Variants in PLEKHA3 observed in about 807,000 individuals in gnomAD.
PLEKHA3 encodes pleckstrin homology domain-containing family A member 3.
Under a neutral mutation model 39.2 loss-of-function variants are expected in PLEKHA3, and 19 were observed. The observed-to-expected ratio is 0.48, with a 90% confidence interval of 0.34 to 0.71. The LOEUF (loss-of-function observed/expected upper bound fraction) is 0.71, where lower values mean the gene tolerates loss of function less well. Among genes scored for constraint, PLEKHA3 ranks in the 30% least tolerant of loss-of-function variants. The probability of loss-of-function intolerance (pLI) is 0.01; values close to 1 mark genes in which losing one functional copy is unlikely to be tolerated. For missense variants in PLEKHA3, 253 were observed against 359.5 expected (o/e 0.70, Z 2.40); for synonymous variants, 97 against 118.6 (o/e 0.82, Z 1.18).
At chr2:178,488,641 T>C (rs1253651426) in intron 2 of PLEKHA3, among the ~76,000 whole-genome samples, 1 of 152,250 alleles carries the variant, frequency 6.6e-6, no homozygotes, top group Non-Finnish European at 1.5e-5. Context: ...TTTATTCTCT[T>C]TGTATCTGAT....
chr2:178,490,551 A>G, intron 2 of PLEKHA3, 108 bp from the exon 3 acceptor site: 1 of 1,135,776 alleles, frequency 8.8e-7, no homozygotes, highest in South Asian at 1.6e-5. Flanking sequence ...TGATAGTTCA[A>G]TGTTTTTGGT....
chr2:178,481,036 A>C (rs1346111938), intron 1 of PLEKHA3, 127 bp downstream of exon 1: 2 of 885,160 alleles, frequency 2.3e-6, no homozygotes, highest in Non-Finnish European at 3.1e-6. Context: ...ACTCGATTCC[A>C]GGGCTTGTTG....
At chr2:178,503,481 A>T (rs574028347) in intron 7 of PLEKHA3, among the ~76,000 whole-genome samples, 2 of 151,968 alleles carry the variant, frequency 1.3e-5, no homozygotes, top group Non-Finnish European at 2.9e-5. Flanking sequence ...TTGACTACCT[A>T]TTATGTGCCA....
chr2:178,481,841 T>C (rs1685168593), intron 1 of PLEKHA3: 1 of 101,704 alleles, frequency 9.8e-6, no homozygotes, highest in Non-Finnish European at 2.2e-5. Context: ...AACAGATTTT[T>C]TGGGGGGGGG....
chr2:178,505,530 G>C lies in PLEKHA3; in HGVS notation c.*1643G>C, dbSNP rs776729157. On this transcript the variant is annotated 3_prime_UTR_variant, in exon 8 of 8. Coordinates refer to ENST00000234453, the MANE Select transcript of PLEKHA3 (RefSeq NM_019091.4). Reference sequence around the variant, plus strand: ...GTTTGATAATGTAGTAAGTTATGACGTTGAGCAGGTAATCAGGTTTTTCTT... The same window carrying C: ...GTTTGATAATGTAGTAAGTTATGACCTTGAGCAGGTAATCAGGTTTTTCTT... 6.7e-6 allele frequency: 1 copy of C among 150,202 alleles called. No individual in the cohort carries two copies. Among genetic ancestry groups the C allele is most frequent in the African/African-American group, 2.4e-5 (1 of 40,958 alleles). The allele number at this position is 150,202 out of a possible 1,614,324, so 9.3% of individuals were successfully genotyped here.
rs1685427173 is a variant in PLEKHA3 at position 178,495,509 on chromosome 2, C to A, written c.464C>A (p.Ala155Asp). ...SSPSAENMNE[A>D]SSLLSATCNT... ...GTAATTTTTCAGAACATGAATGAAG[C>A]CTCTTCTCTGCTTAGTGCCACGTGT... The change falls in exon 5 of 8, where the codon GCC becomes GAC. Residue 155 changes from alanine (A) to aspartate (D), a missense_variant. Around this residue, in one of 2 missense-constraint regions of PLEKHA3, gnomAD observed 126 missense variants for 222.7 expected, o/e 0.57. Coordinates refer to ENST00000234453, the MANE Select transcript of PLEKHA3 (RefSeq NM_019091.4). 1 of 1,613,660 alleles carries A rather than the reference C, an allele frequency of 6.2e-7. No individual in the cohort carries two copies. The highest frequency in any genetic ancestry group is 1.3e-5 in the African/African-American group (1 of 74,870).
intron 6 of PLEKHA3, among the ~76,000 whole-genome samples, chr2:178,500,436 A>G (rs2154127973): frequency 6.6e-6 from 1 of 152,228 alleles, no homozygotes. Flanking sequence ...TTTCTACCTC[A>G]TAAAATAATA....
At position 178,513,530 on chromosome 2, in the gene PLEKHA3, T is replaced by G. The variant is rs946875611; in HGVS notation, c.*9643T>G. The G allele has an allele frequency of 3.3e-5, 5 of 152,256 alleles. No homozygotes were observed. The highest frequency in any genetic ancestry group is 1.2e-4 in the African/African-American group (5 of 41,464). The allele number at this position is 152,256 out of a possible 1,614,324, so 9.4% of individuals were successfully genotyped here. Reference sequence around the variant, plus strand: ...TCTTTCAAAAGACAGTCCTAGAGTTTCCAGTGGTTTTCTTTAATTGTGTAT... The same window carrying G: ...TCTTTCAAAAGACAGTCCTAGAGTTGCCAGTGGTTTTCTTTAATTGTGTAT... On this transcript the variant is annotated 3_prime_UTR_variant, in exon 8 of 8. Transcript: ENST00000234453.
Position 178,490,705 on chromosome 2 carries a change from G to A in PLEKHA3, c.204G>A (p.Glu68=). 1.9e-6 allele frequency: 3 copies of A among 1,613,964 alleles called. No individual in the cohort carries two copies. The highest frequency in any genetic ancestry group is 2.2e-5 in the East Asian group (1 of 44,878). The stretch of plus-strand genomic sequence containing the variant: ...GAATGGAATTAATCATTCCTGGAGA[G>A]CAGCATTTCTACATGAAGGCAGTGA... ...NTRMELIIPG[E]QHFYMKAVNA... The change falls in exon 3 of 8, where the codon GAG becomes GAA. Residue 68 remains glutamate, a synonymous_variant. Coordinates refer to ENST00000234453, the MANE Select transcript of PLEKHA3 (RefSeq NM_019091.4).
intron 6 of PLEKHA3, among the ~76,000 whole-genome samples, chr2:178,499,680 G>C (rs1685499508): frequency 6.6e-6 from 1 of 152,102 alleles, no homozygotes; most frequent in African/African-American, 2.4e-5. Context: ...ACAACATTCA[G>C]TACAGTAACA....
At chr2:178,490,458 T>C (rs1685326098) in intron 2 of PLEKHA3, among the ~76,000 whole-genome samples, 1 of 152,230 alleles carries the variant, frequency 6.6e-6, no homozygotes, top group Non-Finnish European at 1.5e-5. Context: ...GGCACCATTG[T>C]TACCCCGGGT....
In PLEKHA3 at chr2:178,504,052, A is replaced by T; in HGVS notation, c.*165A>T. The T allele has an allele frequency of 1.6e-6, 1 of 623,006 alleles. No homozygotes were observed. 38.6% of individuals were successfully genotyped at this position (623,006 alleles called of 1,614,324 possible). ...ACCACATACTTTTGAAGTGTATTTT[A>T]TCTTTATATAGTTTGTTTGCAAGAG... is the stretch of plus-strand genomic sequence containing the variant. On this transcript the variant is annotated 3_prime_UTR_variant, in exon 8 of 8. Coordinates refer to ENST00000234453, the MANE Select transcript of PLEKHA3 (RefSeq NM_019091.4).
At chr2:178,490,619 TAA>T (rs1685328745) in intron 2 of PLEKHA3, 38 bp from the exon 3 acceptor site, 3 of 1,577,094 alleles carry the variant, frequency 1.9e-6, no homozygotes, top group Non-Finnish European at 2.6e-6. Flanking sequence ...TTAAATTACT[TAA>T]GTCTATAACT....
intron 7 of PLEKHA3, among the ~76,000 whole-genome samples, chr2:178,502,078 A>G (rs1411980575): frequency 2.6e-5 from 4 of 151,962 alleles, no homozygotes; most frequent in Non-Finnish European, 5.9e-5. Context: ...GGACAAAACA[A>G]TGGTGTATTT....
chr2:178,491,010 C>CTTTTTTTTTTT (rs1204723389), intron 3 of PLEKHA3, among the ~76,000 whole-genome samples, 196 bp downstream of exon 3: 5 of 129,524 alleles, frequency 3.9e-5, no homozygotes, highest in African/African-American at 8.8e-5. Context: ...CTCTTTCTTT[C>CTTTTTTTTTTT]TTTTTTTTTT....
chr2:178,498,873 T>TATAAATGTGATATAAA (rs1685487576), intron 5 of PLEKHA3, among the ~76,000 whole-genome samples: 1 of 152,116 alleles, frequency 6.6e-6, no homozygotes, highest in Non-Finnish European at 1.5e-5. Context: ...TTTATCACAT[T>TATAAATGTGATATAAA]TATATCTTAT....
chr2:178,488,305 T>C (rs1044901958), intron 2 of PLEKHA3, among the ~76,000 whole-genome samples: 3 of 152,262 alleles, frequency 2.0e-5, no homozygotes, highest in African/African-American at 7.2e-5. Flanking sequence ...CATGATACCT[T>C]TTGAGGAACA....
chr2:178,501,240 A>G lies in PLEKHA3; in HGVS notation c.775+64A>G, dbSNP rs544035692. ...CAGCAAAATTACTGTGGGGCTCTGT[A>G]ATTTCTGGAAATGAAGTATACTGAC... is the stretch of plus-strand genomic sequence containing the variant. On this transcript the variant is annotated intron_variant, in intron 7 of 7. Transcript: ENST00000234453. 5.4e-4 allele frequency: 620 copies of G among 1,156,016 alleles called. 4 individuals carry two copies. In the Admixed American group the frequency reaches 8.3e-3, roughly 16 times the overall value. 71.6% of individuals were successfully genotyped at this position (1,156,016 alleles called of 1,614,324 possible). A position where few individuals can be genotyped will look rare whatever the true frequency, so the allele number is the denominator to read the frequency against.
At chr2:178,501,233 G>T in intron 7 of PLEKHA3, 57 bp downstream of exon 7, 2 of 1,255,396 alleles carry the variant, frequency 1.6e-6, no homozygotes, top group Non-Finnish European at 2.3e-6. Context: ...TTACTGTGGG[G>T]CTCTGTAATT....
Sources: gnomAD v4.1 joint callset for allele counts (sites outside exome capture counted in the v4.1 genomes callset) on GRCh38, gnomAD v4.1.1 for gene constraint, gnomAD v4.1.1 regional missense constraint, MANE v1.5 for transcripts, NCBI Gene and HGNC (gene_info 2026-07-23, HGNC 2026-07-21) for gene names.